SLC16A7: variants seen among roughly 807,000 people sequenced by gnomAD.
SLC16A7 encodes the protein solute carrier family 16 member 7, also known as monocarboxylate transporter 2.
In SLC16A7, 33 loss-of-function variants were observed where a neutral mutation model predicts 34.9. The observed-to-expected ratio is 0.94, with a 90% CI of 0.72 to 1.26. SLC16A7 has a LOEUF of 1.26. Ranked by LOEUF, SLC16A7 falls within the 50% of genes most tolerant of loss-of-function variation. The pLI is 0.00. For missense variants in SLC16A7, 573 were observed against 578.1 expected, an observed-to-expected ratio of 0.99 and a Z score of 0.09; for synonymous variants, 201 against 206.6, an observed-to-expected ratio of 0.97 and a Z score of 0.23.
chr12:59,665,646 A>G (rs1022804249), intron 2 of SLC16A7, among the ~76,000 whole-genome samples: 2 of 152,118 alleles, frequency 1.3e-5, no homozygotes, highest in African/African-American at 2.4e-5. Flanking sequence ...AAATAAAAAT[A>G]TTGTATACAT....
chr12:59,772,005 A>T (rs1044899189), intron 4 of SLC16A7, among the ~76,000 whole-genome samples: 1 of 152,196 alleles, frequency 6.6e-6, no homozygotes, highest in African/African-American at 2.4e-5. Context: ...CTATTGACTC[A>T]AAATGACCAC....
In SLC16A7 at chr12:59,781,240, A is replaced by G. The variant is rs1463134068; in HGVS notation, c.*1561A>G. 1 of 152,530 alleles carries G rather than the reference A, an allele frequency of 6.6e-6. No individual in the cohort carries two copies. Among genetic ancestry groups the G allele is most frequent in the Admixed American group, 6.6e-5 (1 of 15,248 alleles). The allele number at this position is 152,530 out of a possible 1,614,324, so 9.4% of individuals were successfully genotyped here. ...AAGAAAGAAATTGTACATTATGACT[A>G]AAGTTATAAATACAATATTTATATC... On this transcript the variant is annotated 3_prime_UTR_variant, in exon 6 of 6. Coordinates refer to ENST00000547379, the MANE Select transcript of SLC16A7 (RefSeq NM_001270623.2).
intron 2 of SLC16A7, among the ~76,000 whole-genome samples, chr12:59,681,892 T>G (rs1389315500): frequency 6.6e-6 from 1 of 152,012 alleles, no homozygotes; most frequent in Non-Finnish European, 1.5e-5. Flanking sequence ...ATAGGTCTAT[T>G]TCTATCACCT....
At position 59,716,826 on chromosome 12, in the gene SLC16A7, AC is replaced by A. The variant is rs531436752; in HGVS notation, c.217+11809del. ...GCACCACTTCACTCCAGCCTGGACA[AC>A]AGAGCAAGACTCTGTCTCACAATAA... On this transcript the variant is annotated intron_variant, in intron 3 of 5. Transcript: ENST00000547379. Among the ~76,000 whole-genome samples the A allele has an allele frequency of 1.4e-3, 210 of 152,314 alleles. 1 individual carries two copies. Among genetic ancestry groups the A allele is most frequent in the Middle Eastern group, 6.8e-3 (2 of 294 alleles).
chr12:59,654,220 C>A (rs578035065), intron 1 of SLC16A7, among the ~76,000 whole-genome samples: 3 of 150,822 alleles, frequency 2.0e-5, no homozygotes, highest in East Asian at 3.9e-4. Context: ...TTAAATAGAA[C>A]CTTGGAGCTT....
At chr12:59,724,295 A>G (rs1041387927) in intron 3 of SLC16A7, among the ~76,000 whole-genome samples, 3 of 152,066 alleles carry the variant, frequency 2.0e-5, no homozygotes, top group African/African-American at 7.2e-5. Flanking sequence ...CACACCAGCC[A>G]AAGGACATAT....
chr12:59,600,342 T>C (rs191591652), intron 1 of SLC16A7, among the ~76,000 whole-genome samples: 2 of 152,366 alleles, frequency 1.3e-5, no homozygotes, highest in African/African-American at 4.8e-5. Flanking sequence ...AACCATTAAG[T>C]GGACTCCCTT....
At chr12:59,622,436 A>G (rs1879735368) in intron 1 of SLC16A7, among the ~76,000 whole-genome samples, 1 of 151,728 alleles carries the variant, frequency 6.6e-6, no homozygotes, top group African/African-American at 2.4e-5. Context: ...TTTTTCTGTG[A>G]TTGTTTTATC....
intron 2 of SLC16A7, among the ~76,000 whole-genome samples, chr12:59,695,797 A>G (rs755030750): frequency 1.2e-4 from 18 of 152,074 alleles, no homozygotes; most frequent in Non-Finnish European, 2.5e-4. Flanking sequence ...TAAATTTTAT[A>G]TATTCAGCAC....
At chr12:59,671,285 A>G (rs1186792037) in intron 2 of SLC16A7, among the ~76,000 whole-genome samples, 4 of 152,206 alleles carry the variant, frequency 2.6e-5, no homozygotes, top group Admixed American at 6.5e-5. Flanking sequence ...TTGAAATGAT[A>G]TGGTTCAAAC....
intron 4 of SLC16A7, among the ~76,000 whole-genome samples, chr12:59,771,597 A>AATTTCTTTTT (rs1398602016): frequency 6.6e-6 from 1 of 152,190 alleles, no homozygotes; most frequent in African/African-American, 2.4e-5. Context: ...TATAAATTTA[A>AATTTCTTTTT]AAAGAAAACA....
intron 2 of SLC16A7, chr12:59,664,936 C>G (rs1869071583): frequency 6.6e-6 from 1 of 152,114 alleles, no homozygotes; most frequent in African/African-American, 2.4e-5. Context: ...GGTTCTCTCT[C>G]TATTCAGGTA....
chr12:59,630,606 G>A (rs1241730596), intron 1 of SLC16A7, among the ~76,000 whole-genome samples: 1 of 151,866 alleles, frequency 6.6e-6, no homozygotes, highest in Non-Finnish European at 1.5e-5. Flanking sequence ...AAGATGATTT[G>A]TATTTAGCAC....
At chr12:59,636,438 C>CA (rs779044093) in intron 1 of SLC16A7, among the ~76,000 whole-genome samples, 48 of 152,102 alleles carry the variant, frequency 3.2e-4, no homozygotes, top group South Asian at 2.7e-3. Flanking sequence ...CATCTGGTGA[C>CA]AAAAATAGAT....
chr12:59,615,323 G>A (rs767552799), intron 1 of SLC16A7, among the ~76,000 whole-genome samples: 3 of 151,770 alleles, frequency 2.0e-5, no homozygotes, highest in South Asian at 4.2e-4. Context: ...TTTCACATCC[G>A]TGAGAAGTCT....
At chr12:59,611,021 G>C (rs1879169265) in intron 1 of SLC16A7, among the ~76,000 whole-genome samples, 1 of 152,198 alleles carries the variant, frequency 6.6e-6, no homozygotes, top group South Asian at 2.1e-4. Flanking sequence ...ACAGATAGCA[G>C]TGTTATACCT....
At chr12:59,681,844 G>C (rs749577672) in intron 2 of SLC16A7, among the ~76,000 whole-genome samples, 2 of 152,072 alleles carry the variant, frequency 1.3e-5, no homozygotes, top group Non-Finnish European at 2.9e-5. Context: ...TTAGGCCCCT[G>C]AGGAACATGG....
chr12:59,732,426 GA>G (rs761921290), intron 3 of SLC16A7, among the ~76,000 whole-genome samples: 3 of 151,890 alleles, frequency 2.0e-5, no homozygotes, highest in African/African-American at 4.8e-5. Flanking sequence ...GTCTCAAGGG[GA>G]AAAAAATGCT....
chr12:59,600,829 G>A (rs1029915211), intron 1 of SLC16A7, among the ~76,000 whole-genome samples: 15 of 152,012 alleles, frequency 9.9e-5, no homozygotes, highest in Admixed American at 2.0e-4. Flanking sequence ...AATGAAGCAA[G>A]TATTTTTGGA....
Sources: gnomAD v4.1 joint callset for allele counts (sites outside exome capture counted in the v4.1 genomes callset) on GRCh38, gnomAD v4.1.1 for gene constraint, MANE v1.5 for transcripts, NCBI Gene and HGNC (gene_info 2026-07-23, HGNC 2026-07-21) for gene names.